The following RYR2 variants were observed in gnomAD, a reference collection of about 807,000 sequenced individuals.
The protein encoded by RYR2 is cardiac muscle ryanodine receptor-calcium release channel.
Under a neutral mutation model 601.1 loss-of-function variants are expected in RYR2, and 227 were observed. The ratio of observed to expected loss-of-function variants is 0.38; its 90% CI spans 0.34 to 0.42. The LOEUF (loss-of-function observed/expected upper bound fraction) is 0.42, where lower values mean the gene tolerates loss of function less well. RYR2 is among the 10% of genes least tolerant of loss of function. The pLI is 1.00. For synonymous variants in RYR2, 2,223 were observed against 2,175.1 expected (o/e 1.02, Z -0.61); for missense variants, 4,646 against 6,156.5 (o/e 0.75, Z 8.21).
rs1688273184 is a variant in RYR2 at position 237,705,228 on chromosome 1, A to G, written c.9465A>G (p.Leu3155=). The change falls in exon 67 of 105, where the codon TTA becomes TTG. Residue 3155 remains leucine (L), a synonymous_variant. Transcript: ENST00000366574. ...SIYVERQRSA[L]GECLAAFAGA... ...CCACTTATAGGCAACGTTCTGCATTAGGAGAATGTCTAGCTGCCTTTGCTG... is the reference window on the plus strand; with the variant it reads ...CCACTTATAGGCAACGTTCTGCATTGGGAGAATGTCTAGCTGCCTTTGCTG... 5.0e-6 allele frequency: 8 copies of G among 1,608,132 alleles called. No individual in the cohort carries two copies. Among genetic ancestry groups the G allele is most frequent in the Admixed American group, 1.7e-5 (1 of 59,396 alleles).
intron 1 of RYR2, among the ~76,000 whole-genome samples, chr1:237,124,507 G>A (rs921882219): frequency 2.0e-5 from 3 of 152,178 alleles, no homozygotes; most frequent in African/African-American, 7.2e-5. Context: ...TCAAGGTGTT[G>A]GCAGAACTAC....
In RYR2 at chr1:237,784,374, G is replaced by A; in HGVS notation, c.12662G>A (p.Ser4221Asn). ...LNERSANKEE[S>N]EKERPEEQGP... ...GAGAGGTCAGCGAATAAGGAAGAAA[G>A]CGAGAAGGAGAGGCCGGAAGAGCAG... The change falls in exon 90 of 105, where the codon AGC (serine) becomes AAC (asparagine). Residue 4221 changes from serine to asparagine, a missense_variant. Around this residue, in one of 17 missense-constraint regions of RYR2, gnomAD observed 364 missense variants for 442.9 expected, o/e 0.82. Transcript: ENST00000366574. The surrounding 1 kb of genome is among the most constrained non-coding windows in gnomAD (Gnocchi z 7.1). 6.2e-7 allele frequency: 1 copy of A among 1,613,972 alleles called. No homozygotes were observed. Among genetic ancestry groups the A allele is most frequent in the Non-Finnish European group, 8.5e-7 (1 of 1,179,878 alleles).
chr1:237,249,214 A>AAATGT (rs1687215345), intron 1 of RYR2, among the ~76,000 whole-genome samples: 2 of 152,178 alleles, frequency 1.3e-5, no homozygotes, highest in South Asian at 4.1e-4. Flanking sequence ...TGTCCAACCC[A>AAATGT]AATGTAGTTT....
At chr1:237,503,531 T>C (rs766655834) in intron 22 of RYR2, 26 bp downstream of exon 22, 9 of 1,608,260 alleles carry the variant, frequency 5.6e-6, no homozygotes, top group Non-Finnish European at 6.8e-6. Flanking sequence ...CGAATGGCAA[T>C]CACTGGTATT....
chr1:237,254,299 A>G (rs1687744920), intron 1 of RYR2, among the ~76,000 whole-genome samples: 1 of 152,230 alleles, frequency 6.6e-6, no homozygotes, highest in South Asian at 2.1e-4. Context: ...GCAATACAAG[A>G]AAGAACCATG....
intron 1 of RYR2, among the ~76,000 whole-genome samples, chr1:237,143,797 A>G (rs1040155010): frequency 1.3e-5 from 2 of 152,194 alleles, no homozygotes; most frequent in Admixed American, 6.5e-5. Flanking sequence ...GAAAAAGAAC[A>G]AAAACCAAAA....
intron 76 of RYR2, among the ~76,000 whole-genome samples, chr1:237,728,007 C>A (rs1690338086): frequency 6.6e-6 from 1 of 152,002 alleles, no homozygotes; most frequent in African/African-American, 2.4e-5. Context: ...CATCTCTGAC[C>A]AAGCCATGCC....
chr1:237,625,685 C>T lies in RYR2; in HGVS notation c.6047C>T (p.Ser2016Phe), dbSNP rs1304117296. Residue 2016 changes from serine to phenylalanine, a missense_variant, in exon 40 of 105, where the codon TCT (serine) becomes TTT (phenylalanine). Around this residue, in one of 17 missense-constraint regions of RYR2, gnomAD observed 170 missense variants for 184.5 expected, o/e 0.92. Transcript: ENST00000366574. ...HCGIELDEDG[S>F]LDGNSDLTIR... ...GGAATTGAGCTGGATGAAGATGGGT[C>T]TCTGGATGGAAACAGTGATTTAACA... 6.2e-7 allele frequency: 1 copy of T among 1,613,616 alleles called. No homozygotes were observed.
At chr1:237,645,102 A>T (rs1215135915) in intron 48 of RYR2, among the ~76,000 whole-genome samples, 2 of 152,216 alleles carry the variant, frequency 1.3e-5, no homozygotes, top group Non-Finnish European at 2.9e-5. Context: ...TCTTTCATTA[A>T]TTATGCCCCT....
chr1:237,664,754 A>G (rs1194601830), intron 56 of RYR2, among the ~76,000 whole-genome samples: 1 of 152,222 alleles, frequency 6.6e-6, no homozygotes, highest in Non-Finnish European at 1.5e-5. Flanking sequence ...GATGGTTGCC[A>G]TGGATTCTAG....
chr1:237,520,799 G>C (rs892718795), intron 24 of RYR2, among the ~76,000 whole-genome samples: 1 of 152,132 alleles, frequency 6.6e-6, no homozygotes, highest in East Asian at 1.9e-4. Flanking sequence ...ACTTTGGGAG[G>C]CCAAGGTGGG....
At chr1:237,139,326 G>C (rs1169590696) in intron 1 of RYR2, among the ~76,000 whole-genome samples, 1 of 152,182 alleles carries the variant, frequency 6.6e-6, no homozygotes, top group Non-Finnish European at 1.5e-5. Flanking sequence ...ATCCAGAATA[G>C]GCAAATCTAT....
chr1:237,708,075 T>C (rs905860923), intron 68 of RYR2, among the ~76,000 whole-genome samples: 3 of 151,788 alleles, frequency 2.0e-5, no homozygotes, highest in African/African-American at 7.3e-5. Context: ...AGCCACCACG[T>C]CTATGTCATC....
intron 33 of RYR2, 63 bp downstream of exon 33, chr1:237,593,699 T>G: frequency 6.6e-7 from 1 of 1,504,300 alleles, no homozygotes; most frequent in Non-Finnish European, 9.2e-7. Context: ...AACCTAGCTA[T>G]TCCTTTTCCT....
chr1:237,428,732 A>T (rs1706469516), intron 12 of RYR2, among the ~76,000 whole-genome samples: 1 of 144,822 alleles, frequency 6.9e-6, no homozygotes, highest in African/African-American at 2.6e-5. Flanking sequence ...AAACTTGCAC[A>T]TTCTGCACAT....
chr1:237,081,219 A>G (rs900411482), intron 1 of RYR2, among the ~76,000 whole-genome samples: 7 of 129,442 alleles, frequency 5.4e-5, no homozygotes, highest in African/African-American at 2.0e-4. Context: ...AGCATGGCAC[A>G]TGTATACATA....
rs1678676380 is a variant in RYR2, at chr1:237,180,905, A to G, written c.49-89592A>G. The stretch of plus-strand genomic sequence containing the variant: ...TATATAATTATAACAATAAATATAT[A>G]ACTAATAATATACTAATTAATAAAA... On this transcript the variant is annotated intron_variant, in intron 1 of 104. Transcript: ENST00000366574. This position sits in a 1 kb window ranked among gnomAD's most constrained non-coding sequence, Gnocchi z 5.3. Among the ~76,000 whole-genome samples, 1 of 149,324 alleles carries G rather than the reference A, an allele frequency of 6.7e-6. No homozygotes were observed. Among genetic ancestry groups the G allele is most frequent in the Admixed American group, 6.7e-5 (1 of 14,894 alleles).
intron 2 of RYR2, among the ~76,000 whole-genome samples, chr1:237,284,857 C>T (rs1691370191): frequency 6.6e-6 from 1 of 151,938 alleles, no homozygotes; most frequent in South Asian, 2.1e-4. Flanking sequence ...AGAAGAGCTA[C>T]TGATTTGTGT....
chr1:237,687,362 T>TA, intron 62 of RYR2, 93 bp from the exon 63 acceptor site: 1 of 634,868 alleles, frequency 1.6e-6, no homozygotes, highest in Non-Finnish European at 2.5e-6. Context: ...TCTTTTTTCT[T>TA]CTTCTTTTTT....
Sources: gnomAD v4.1 joint callset for allele counts (sites outside exome capture counted in the v4.1 genomes callset) on GRCh38, gnomAD v4.1.1 for gene constraint, gnomAD v4.1.1 regional missense constraint, Gnocchi (gnomAD v3.1) non-coding constraint, MANE v1.5 for transcripts, NCBI Gene and HGNC (gene_info 2026-07-23, HGNC 2026-07-21) for gene names.